Variants in CR1L observed in about 807,000 individuals in gnomAD.
The protein encoded by CR1L is complement component receptor 1-like protein.
Under a neutral mutation model 62.3 loss-of-function variants are expected in CR1L, and 59 were observed. The observed-to-expected ratio is 0.95, with a 90% CI of 0.77 to 1.18. The LOEUF is 1.18. Ranked by LOEUF, CR1L falls within the 50% of genes most tolerant of loss-of-function variation. The pLI is 0.00. For missense variants in CR1L, 700 were observed against 702.8 expected, an observed-to-expected ratio of 1.00 and a Z score of 0.04; for synonymous variants, 279 against 248.7, an observed-to-expected ratio of 1.12 and a Z score of -1.15.
intron 9 of CR1L, among the ~76,000 whole-genome samples, chr1:207,706,906 A>T (rs1664276444): frequency 6.6e-6 from 1 of 152,236 alleles, no homozygotes; most frequent in Non-Finnish European, 1.5e-5. Context: ...ATAATTTAGT[A>T]ATAATCTCTG....
intron 10 of CR1L, among the ~76,000 whole-genome samples, chr1:207,713,946 C>T (rs982437704): frequency 3.9e-5 from 6 of 152,368 alleles, no homozygotes; most frequent in Non-Finnish European, 5.9e-5. Context: ...CTGACTGGAC[C>T]TGCTGGTGCT....
intron 4 of CR1L, among the ~76,000 whole-genome samples, chr1:207,688,271 G>C (rs1558019388): frequency 6.6e-6 from 1 of 152,224 alleles, no homozygotes; most frequent in South Asian, 2.1e-4. Flanking sequence ...GTGAGACCCT[G>C]TTTCTTATGG....
chr1:207,681,616 G>C (rs1663800637), intron 3 of CR1L, among the ~76,000 whole-genome samples: 2 of 152,092 alleles, frequency 1.3e-5, no homozygotes, highest in Admixed American at 1.3e-4. Context: ...AAAATGTTCA[G>C]TACTACAACA....
At chr1:207,661,327 C>T (rs1663417404) in intron 1 of CR1L, among the ~76,000 whole-genome samples, 1 of 152,104 alleles carries the variant, frequency 6.6e-6, no homozygotes, top group Admixed American at 6.5e-5. Context: ...TCTGGGTGCT[C>T]CTGTATTGGG....
chr1:207,645,227 G>A lies in CR1L; in HGVS notation c.-7G>A. ...CCGGATAAATCACGGGGTCTCCCGC[G>A]CCGCTCATGGCGCCTCCCGTCCGTC... is the stretch of plus-strand genomic sequence containing the variant. On this transcript the variant is annotated 5_prime_UTR_variant, in exon 1 of 12. Coordinates refer to ENST00000508064, the MANE Select transcript of CR1L (RefSeq NM_175710.2). The A allele has an allele frequency of 5.6e-6, 9 of 1,612,606 alleles. No individual in the cohort carries two copies. The highest frequency in any genetic ancestry group is 7.6e-6 in the Non-Finnish European group (9 of 1,179,908).
At chr1:207,654,932 C>T (rs1184062475) in intron 1 of CR1L, among the ~76,000 whole-genome samples, 4 of 152,146 alleles carry the variant, frequency 2.6e-5, no homozygotes, top group Non-Finnish European at 5.9e-5. Context: ...CAGGAGGCAG[C>T]AAAGAGGCTG....
chr1:207,664,564 G>A (rs1571647390), intron 1 of CR1L, among the ~76,000 whole-genome samples: 2 of 152,150 alleles, frequency 1.3e-5, no homozygotes, highest in East Asian at 3.9e-4. Context: ...ACTCAATAAG[G>A]TATCCAGGCT....
At chr1:207,657,492 T>A in intron 1 of CR1L, 1 of 440,966 alleles carries the variant, frequency 2.3e-6, no homozygotes, top group Non-Finnish European at 4.0e-6. Flanking sequence ...GCTAGAGTTC[T>A]CTATTTTTCA....
rs1168607622 is a variant in CR1L at position 207,697,388 on chromosome 1, T to C, written c.863-115T>C. 34 of 1,592,052 alleles carry C rather than the reference T, an allele frequency of 2.1e-5. 1 individual carries two copies. The highest frequency in any genetic ancestry group is 5.1e-5 in the Admixed American group (3 of 58,612). On this transcript the variant is annotated intron_variant, in intron 5 of 11. Coordinates refer to ENST00000508064, the MANE Select transcript of CR1L (RefSeq NM_175710.2). ...TTTGTTATCAATGTAATAAGGCTGT[T>C]ATTCTACCTTTTTTGTTACATATAG...
At chr1:207,681,139 G>T (rs2147023) in intron 3 of CR1L, among the ~76,000 whole-genome samples, 15,112 of 152,204 alleles carry the variant, frequency 0.099, 1,190 homozygotes, top group East Asian at 0.38. Context: ...CAACCACCTG[G>T]TTCAAGGCAC....
chr1:207,705,829 A>T (rs1366593582), intron 9 of CR1L, among the ~76,000 whole-genome samples: 3 of 152,028 alleles, frequency 2.0e-5, no homozygotes, highest in African/African-American at 7.2e-5. Context: ...TTTACAAAAG[A>T]GATTTACTGC....
chr1:207,717,461 T>C lies in CR1L; in HGVS notation c.1415-3T>C. 6.2e-7 allele frequency: 1 copy of C among 1,612,612 alleles called. No homozygotes were observed. Among genetic ancestry groups the C allele is most frequent in the South Asian group, 1.1e-5 (1 of 91,040 alleles). ...AACTTAAAAGCTCTTGTTTTCTTTCTAGAAATCTTTTGTCCAAATCCTCCA... is the reference window on the plus strand; with the variant it reads ...AACTTAAAAGCTCTTGTTTTCTTTCCAGAAATCTTTTGTCCAAATCCTCCA... On this transcript the variant is annotated splice_region_variant and splice_polypyrimidine_tract_variant and intron_variant, in intron 10 of 11. Coordinates refer to ENST00000508064, the MANE Select transcript of CR1L (RefSeq NM_175710.2).
chr1:207,645,203 C>T lies in CR1L; in HGVS notation c.-31C>T. 6.2e-7 allele frequency: 1 copy of T among 1,609,458 alleles called. No homozygotes were observed. Among genetic ancestry groups the T allele is most frequent in the Non-Finnish European group, 8.5e-7 (1 of 1,177,982 alleles). On this transcript the variant is annotated 5_prime_UTR_variant, in exon 1 of 12. Coordinates refer to ENST00000508064, the MANE Select transcript of CR1L (RefSeq NM_175710.2). Reference sequence around the variant, plus strand: ...GGCTTTCGGTTTCTCTGCTCACCTCCGGATAAATCACGGGGTCTCCCGCGC... The same window carrying T: ...GGCTTTCGGTTTCTCTGCTCACCTCTGGATAAATCACGGGGTCTCCCGCGC...
At chr1:207,716,707 A>G (rs543958437) in intron 10 of CR1L, among the ~76,000 whole-genome samples, 34 of 152,348 alleles carry the variant, frequency 2.2e-4, no homozygotes, top group Non-Finnish European at 4.4e-5. Flanking sequence ...GAAAAACACA[A>G]GTAAAATTCA....
intron 11 of CR1L, among the ~76,000 whole-genome samples, chr1:207,722,719 G>A (rs369905311): frequency 1.6e-4 from 24 of 152,212 alleles, no homozygotes; most frequent in Middle Eastern, 3.4e-3. Flanking sequence ...GTAATGTAAC[G>A]AATATTGTTG....
At chr1:207,647,711 T>G (rs993714619) in intron 1 of CR1L, among the ~76,000 whole-genome samples, 1 of 152,172 alleles carries the variant, frequency 6.6e-6, no homozygotes, top group South Asian at 2.1e-4. Context: ...ATGCTCAGGA[T>G]GGTCTTTCTG....
chr1:207,666,521 A>G (rs1469345393), intron 1 of CR1L, among the ~76,000 whole-genome samples: 1 of 152,256 alleles, frequency 6.6e-6, no homozygotes, highest in Non-Finnish European at 1.5e-5. Flanking sequence ...CTATGCAGCC[A>G]TAAAAAAGAA....
At chr1:207,680,626 G>C (rs963789485) in intron 3 of CR1L, among the ~76,000 whole-genome samples, 1 of 151,978 alleles carries the variant, frequency 6.6e-6, no homozygotes, top group Non-Finnish European at 1.5e-5. Flanking sequence ...TAAATCATTC[G>C]AACTTAAAAC....
chr1:207,688,205 G>A (rs1325021230), intron 4 of CR1L, among the ~76,000 whole-genome samples: 2 of 152,184 alleles, frequency 1.3e-5, no homozygotes, highest in Non-Finnish European at 1.5e-5. Flanking sequence ...GAGCACAGGG[G>A]TTCAAGGCTT....
Sources: allele counts gnomAD v4.1 joint callset (sites outside exome capture counted in the v4.1 genomes callset), GRCh38; gene constraint gnomAD v4.1.1; transcripts MANE v1.5; gene names NCBI Gene and HGNC (gene_info 2026-07-23, HGNC 2026-07-21).